Variants in TBC1D32 observed in about 807,000 individuals in gnomAD.
TBC1D32 encodes the protein protein broad-minded.
In TBC1D32, 151 loss-of-function variants were observed where a neutral mutation model predicts 170.3. The ratio of observed to expected loss-of-function variants is 0.89; its 90% confidence interval spans 0.78 to 1.01. TBC1D32 has a LOEUF of 1.01. TBC1D32 is among the 50% of genes least tolerant of loss of function. TBC1D32 has a pLI of 0.00. For synonymous variants in TBC1D32, 498 were observed against 488.0 expected (o/e 1.02, Z -0.27); for missense variants, 1,464 against 1,457.1 (o/e 1.00, Z -0.08).
rs201744762 is a variant in TBC1D32 at position 121,318,077 on chromosome 6, AC to A, written c.318-406del. ...TTACCTTATACCTATCTCTTTCTCC[AC>A]CCCCCTATCCTTTATTTTCTTTCCT... On this transcript the variant is annotated intron_variant, in intron 2 of 31. Coordinates refer to ENST00000398212, the MANE Select transcript of TBC1D32 (RefSeq NM_152730.6). Among the ~76,000 whole-genome samples the A allele has an allele frequency of 1.4e-4, 21 of 149,458 alleles. No individual in the cohort carries two copies. In the East Asian group the frequency reaches 4.2e-3, roughly 30 times the overall value.
intron 22 of TBC1D32, among the ~76,000 whole-genome samples, chr6:121,161,922 T>C (rs1011468860): frequency 1.3e-5 from 2 of 152,244 alleles, no homozygotes; most frequent in Non-Finnish European, 2.9e-5. Flanking sequence ...TTTGCATTTC[T>C]CTAATGATCA....
At chr6:121,200,607 C>T (rs947836426) in intron 22 of TBC1D32, among the ~76,000 whole-genome samples, 5 of 151,184 alleles carry the variant, frequency 3.3e-5, no homozygotes, top group Admixed American at 1.3e-4. Flanking sequence ...GTGGTAGACA[C>T]GAAAGTAGAA....
intron 22 of TBC1D32, among the ~76,000 whole-genome samples, chr6:121,194,464 C>T (rs1790473420): frequency 1.3e-5 from 2 of 152,172 alleles, no homozygotes; most frequent in Non-Finnish European, 2.9e-5. Context: ...CCACCATATC[C>T]CCATTCAACT....
intron 22 of TBC1D32, among the ~76,000 whole-genome samples, chr6:121,192,897 T>C (rs1790250220): frequency 6.6e-6 from 1 of 152,170 alleles, no homozygotes; most frequent in Non-Finnish European, 1.5e-5. Context: ...TGGCCTCCCC[T>C]GAGACAGTTG....
chr6:121,263,521 G>T (rs1034058759), intron 15 of TBC1D32, among the ~76,000 whole-genome samples: 1 of 152,064 alleles, frequency 6.6e-6, no homozygotes, highest in African/African-American at 2.4e-5. Flanking sequence ...GACAATATGA[G>T]ACAGTGGGGT....
chr6:121,171,434 T>C (rs1786984563), intron 22 of TBC1D32, among the ~76,000 whole-genome samples: 1 of 151,530 alleles, frequency 6.6e-6, no homozygotes, highest in East Asian at 1.9e-4. Flanking sequence ...TAATACGAGA[T>C]GAGATGAGAA....
intron 12 of TBC1D32, among the ~76,000 whole-genome samples, chr6:121,289,902 G>A (rs539111178): frequency 4.6e-5 from 7 of 152,270 alleles, no homozygotes; most frequent in African/African-American, 9.6e-5. Flanking sequence ...ATGGGGAAAC[G>A]ATTCCCTATT....
At chr6:121,288,889 C>T (rs145475666) in intron 12 of TBC1D32, among the ~76,000 whole-genome samples, 1,877 of 152,156 alleles carry the variant, frequency 0.012, 39 homozygotes, top group African/African-American at 0.043. Flanking sequence ...ATAAACAGAA[C>T]CAACGACAAA....
intron 13 of TBC1D32, 33 bp from the exon 14 acceptor site, chr6:121,281,719 A>G (rs567627146): frequency 1.5e-5 from 22 of 1,506,940 alleles, no homozygotes; most frequent in Admixed American, 4.0e-5. Flanking sequence ...TAATACCAAA[A>G]CATTAAATAC....
chr6:121,319,017 A>T (rs1220863126), intron 2 of TBC1D32, among the ~76,000 whole-genome samples: 5 of 149,966 alleles, frequency 3.3e-5, no homozygotes, highest in East Asian at 3.9e-4. Context: ...AATATATTTT[A>T]AAATTTTGTT....
chr6:121,279,214 A>C lies in TBC1D32; in HGVS notation c.1640T>G (p.Ile547Ser). The change falls in exon 15 of 32, where the codon ATT becomes AGT. Residue 547 changes from isoleucine (I) to serine (S), a missense_variant. Around this residue, in one of 3 missense-constraint regions of TBC1D32, gnomAD observed 1,363 missense variants for 1,338.1 expected, o/e 1.02. Transcript: ENST00000398212. The stretch of plus-strand genomic sequence containing the variant: ...TCTTGCCAAAATACCAGCTATATGA[A>C]TTAAAGCTGTCTCAGAGCAATTTGG... ...ASPNCSETAL[I>S]HIAGILARIA... 6.2e-7 allele frequency: 1 copy of C among 1,609,804 alleles called. No individual in the cohort carries two copies. Among genetic ancestry groups the C allele is most frequent in the East Asian group, 2.2e-5 (1 of 44,728 alleles).
At chr6:121,293,932 C>T (rs1276343380) in intron 11 of TBC1D32, among the ~76,000 whole-genome samples, 7 of 151,894 alleles carry the variant, frequency 4.6e-5, no homozygotes, top group Non-Finnish European at 1.0e-4. Context: ...AAATAAAATA[C>T]AGTTTCTTCT....
chr6:121,316,709 C>T (rs1808979867), intron 3 of TBC1D32, among the ~76,000 whole-genome samples: 1 of 152,080 alleles, frequency 6.6e-6, no homozygotes, highest in Non-Finnish European at 1.5e-5. Flanking sequence ...CCAACTTGAC[C>T]AATGTACATA....
intron 22 of TBC1D32, among the ~76,000 whole-genome samples, chr6:121,173,482 A>G (rs1306534957): frequency 6.6e-6 from 1 of 152,118 alleles, no homozygotes. Context: ...AAGAAGAAAA[A>G]CAAAATAAAA....
intron 22 of TBC1D32, among the ~76,000 whole-genome samples, chr6:121,171,044 T>C (rs532781640): frequency 3.4e-4 from 51 of 152,110 alleles, no homozygotes; most frequent in African/African-American, 1.2e-3. Context: ...GCAGAAATCA[T>C]GTGTCTCCTA....
intron 26 of TBC1D32, among the ~76,000 whole-genome samples, chr6:121,120,634 T>C (rs78296864): frequency 0.025 from 3,753 of 152,088 alleles, 165 homozygotes; most frequent in East Asian, 0.13. Flanking sequence ...AATGCTTTCC[T>C]TTAAAATCTC....
chr6:121,286,079 G>A (rs919630896), intron 12 of TBC1D32, among the ~76,000 whole-genome samples: 6 of 152,162 alleles, frequency 3.9e-5, no homozygotes, highest in East Asian at 3.8e-4. Context: ...AAATCAGAGC[G>A]CCTCTCCTCC....
chr6:121,239,093 G>A lies in TBC1D32; in HGVS notation c.2341C>T (p.Pro781Ser), dbSNP rs200352559. 19 of 1,594,906 alleles carry A rather than the reference G, an allele frequency of 1.2e-5. No homozygotes were observed. Among genetic ancestry groups the A allele is most frequent in the Middle Eastern group, 1.7e-4 (1 of 5,996 alleles). The change falls in exon 20 of 32, where the codon CCT (proline) becomes TCT (serine). Residue 781 changes from proline to serine, a missense_variant. Pro to Ser is a moderately conservative substitution (Grantham distance 74). Around this residue, in one of 3 missense-constraint regions of TBC1D32, gnomAD observed 1,363 missense variants for 1,338.1 expected, o/e 1.02. Transcript: ENST00000398212. ...ACCTTTTGACAGCTTCGGTCAATAG[G>A]ATCCACTGGAGTAGTTCTGGGATGG... ...VTHPRTTPVD[P>S]IDRSCQKSFL...
chr6:121,233,448 T>C (rs1013830256), intron 20 of TBC1D32, among the ~76,000 whole-genome samples: 4 of 152,184 alleles, frequency 2.6e-5, no homozygotes, highest in Non-Finnish European at 4.4e-5. Context: ...CTAGTCTTTT[T>C]ATCATTATAT....
Sources: gnomAD v4.1 joint callset for allele counts (sites outside exome capture counted in the v4.1 genomes callset) on GRCh38, gnomAD v4.1.1 for gene constraint, gnomAD v4.1.1 regional missense constraint, MANE v1.5 for transcripts, NCBI Gene and HGNC (gene_info 2026-07-23, HGNC 2026-07-21) for gene names.